The following NLRX1 variants were observed in gnomAD, a reference collection of about 807,000 sequenced individuals.
NLRX1 encodes NOD-like receptor X1.
NLRX1 carries 67 observed loss-of-function variants against 74.2 expected under a neutral mutation model. The observed-to-expected ratio is 0.90, with a 90% CI of 0.74 to 1.11. NLRX1 has a LOEUF of 1.11. Among genes scored for constraint, NLRX1 ranks in the 50% least tolerant of loss-of-function variants. NLRX1 has a pLI of 0.00. For synonymous variants in NLRX1, 506 were observed against 559.1 expected, an observed-to-expected ratio of 0.91 and a Z score of 1.34; for missense variants, 1,191 against 1,305.4, an observed-to-expected ratio of 0.91 and a Z score of 1.35.
chr11:119,170,856 C>T (rs77728428), intron 1 of NLRX1, among the ~76,000 whole-genome samples: 4,188 of 152,234 alleles, frequency 0.028, 195 homozygotes, highest in African/African-American at 0.094. Context: ...CAAGACGTGG[C>T]AGGAAGGCCA....
chr11:119,179,452 C>A (rs1399308935), intron 6 of NLRX1, among the ~76,000 whole-genome samples: 1 of 152,126 alleles, frequency 6.6e-6, no homozygotes, highest in Non-Finnish European at 1.5e-5. Context: ...ACAGCAAGAC[C>A]CCATCTCTAG....
chr11:119,173,440 C>A lies in NLRX1; in HGVS notation c.230-39C>A. 2.5e-6 allele frequency: 4 copies of A among 1,590,284 alleles called. No individual in the cohort carries two copies. The highest frequency in any genetic ancestry group is 1.1e-5 in the South Asian group (1 of 88,252). ...ATTGGCCCTAAGCTACATCTCCAGGCCCCTTTCCCTGACACATTTCCCTTA... is the reference window on the plus strand; with the variant it reads ...ATTGGCCCTAAGCTACATCTCCAGGACCCTTTCCCTGACACATTTCCCTTA... On this transcript the variant is annotated intron_variant, in intron 4 of 9. Coordinates refer to ENST00000409109, the MANE Select transcript of NLRX1 (RefSeq NM_001282144.2). This position sits in a 1 kb window ranked among gnomAD's most constrained non-coding sequence, Gnocchi z 4.0.
At chr11:119,178,685 A>C (rs1007486333) in intron 6 of NLRX1, among the ~76,000 whole-genome samples, 1 of 148,696 alleles carries the variant, frequency 6.7e-6, no homozygotes, top group African/African-American at 2.5e-5. Flanking sequence ...AGGAAAGGGC[A>C]GCACCCTGGA....
rs759728353 is a variant in NLRX1, at chr11:119,174,766, C to T, written c.1163C>T (p.Thr388Met). 1.4e-5 allele frequency: 22 copies of T among 1,613,738 alleles called. No homozygotes were observed. The highest frequency in any genetic ancestry group is 4.5e-5 in the East Asian group (2 of 44,900). ...CATLHFLHAPTPAGQTLTSIY... is the reference protein window; with the variant it reads ...CATLHFLHAPMPAGQTLTSIY... ...ACCTTGCACTTCCTGCATGCCCCCA[C>T]GCCTGCTGGGCAGACCCTTACAAGC... Residue 388 changes from threonine to methionine, a missense_variant, in exon 6 of 10, where the codon ACG (threonine) becomes ATG (methionine). Physicochemically the swap from Thr to Met is moderately conservative, Grantham distance 81 (BLOSUM62 -1). Coordinates refer to ENST00000409109, the MANE Select transcript of NLRX1 (RefSeq NM_001282144.2).
chr11:119,171,334 A>G, intron 1 of NLRX1, 22 bp from the exon 2 acceptor site: 1 of 1,565,732 alleles, frequency 6.4e-7, no homozygotes, highest in Non-Finnish European at 8.7e-7. Context: ...GCAGTGATCC[A>G]TTCGTACTAT....
chr11:119,176,333 G>C (rs1257016491), intron 6 of NLRX1, among the ~76,000 whole-genome samples: 1 of 152,132 alleles, frequency 6.6e-6, no homozygotes, highest in Non-Finnish European at 1.5e-5. Context: ...CTGCAGCTTC[G>C]ACCTTCTGGG....
chr11:119,175,349 A>C, intron 6 of NLRX1, 75 bp downstream of exon 6: 2 of 1,306,990 alleles, frequency 1.5e-6, no homozygotes, highest in Non-Finnish European at 2.1e-6. Context: ...ACGCCCCCAC[A>C]TGGTTCCCTG....
Position 119,181,414 on chromosome 11 carries a change from C to A in NLRX1, c.2354+157C>A, listed in dbSNP as rs75886421. ...CCCTCCACTTCCCCCAGGTCCACTGCAAGCAGCAGGGCAGCAGGGAAACAT... is the reference window on the plus strand; with the variant it reads ...CCCTCCACTTCCCCCAGGTCCACTGAAAGCAGCAGGGCAGCAGGGAAACAT... On this transcript the variant is annotated intron_variant, in intron 8 of 9. Coordinates refer to ENST00000409109, the MANE Select transcript of NLRX1 (RefSeq NM_001282144.2). 1,859 of 627,286 alleles carry A rather than the reference C, an allele frequency of 3.0e-3. 29 individuals carry two copies. The African/African-American group carries it at 0.031, about 10-fold the overall frequency. The allele number at this position is 627,286 out of a possible 1,614,324, so 38.9% of individuals were successfully genotyped here.
At position 119,180,136 on chromosome 11, in the gene NLRX1, T is replaced by A. The variant is rs761105476; in HGVS notation, c.2115T>A (p.Gly705=). Residue 705 remains glycine, a synonymous_variant, in exon 7 of 10, where the codon GGT becomes GGA. Coordinates refer to ENST00000409109, the MANE Select transcript of NLRX1 (RefSeq NM_001282144.2). ...LSSLRQLNLA[G]VRMTPVKCTV... The stretch of plus-strand genomic sequence containing the variant: ...CCCTGCGTCAGCTCAACCTGGCAGG[T>A]GTGCGCATGACACCAGTCAAGTGCA... 6.2e-7 allele frequency: 1 copy of A among 1,613,208 alleles called. No individual in the cohort carries two copies. Among genetic ancestry groups the A allele is most frequent in the African/African-American group, 1.3e-5 (1 of 75,056 alleles).
Position 119,173,719 on chromosome 11 carries a change from G to T in NLRX1, c.470G>T (p.Arg157Leu), listed in dbSNP as rs747748623. 6.2e-7 allele frequency: 1 copy of T among 1,613,896 alleles called. No homozygotes were observed. The highest frequency in any genetic ancestry group is 8.5e-7 in the Non-Finnish European group (1 of 1,179,968). The change falls in exon 5 of 10, where the codon CGC becomes CTC. Residue 157 changes from arginine to leucine, a missense_variant. Coordinates refer to ENST00000409109, the MANE Select transcript of NLRX1 (RefSeq NM_001282144.2). The surrounding 1 kb of genome is among the most constrained non-coding windows in gnomAD (Gnocchi z 4.0). ...SQLFNPDACG[R>L]RVQTVVLYGT... ...CTCTTTAACCCGGATGCCTGTGGGC[G>T]CCGGGTGCAGACAGTGGTGCTGTAT... is the stretch of plus-strand genomic sequence containing the variant.
intron 3 of NLRX1, 111 bp from the exon 4 acceptor site, chr11:119,172,788 CCT>C: frequency 1.3e-6 from 1 of 790,466 alleles, no homozygotes; most frequent in Admixed American, 1.9e-5. Context: ...CAGTGTGGGG[CCT>C]TTATCTCAGG....
chr11:119,175,288 C>A lies in NLRX1; in HGVS notation c.1671+14C>A, dbSNP rs753965242. On this transcript the variant is annotated intron_variant, in intron 6 of 9. Coordinates refer to ENST00000409109, the MANE Select transcript of NLRX1 (RefSeq NM_001282144.2). ...AACCTGATCAAGGTAACATCCCGATCAAGGTAACCCCCCAACCTGCTCCTT... is the reference window on the plus strand; with the variant it reads ...AACCTGATCAAGGTAACATCCCGATAAAGGTAACCCCCCAACCTGCTCCTT... The A allele has an allele frequency of 1.7e-5, 28 of 1,602,034 alleles. No homozygotes were observed. Among genetic ancestry groups the A allele is most frequent in the Admixed American group, 1.3e-4 (8 of 59,626 alleles).
intron 6 of NLRX1, 100 bp from the exon 7 acceptor site, chr11:119,179,593 A>G (rs1331637053): frequency 1.0e-6 from 1 of 998,862 alleles, no homozygotes; most frequent in East Asian, 2.4e-5. Context: ...AGGGGAGATC[A>G]CAGGGCTGGA....
chr11:119,171,044 G>C (rs889732851), intron 1 of NLRX1, among the ~76,000 whole-genome samples: 2 of 152,340 alleles, frequency 1.3e-5, no homozygotes, highest in East Asian at 3.9e-4. Context: ...TTGGGAGGCT[G>C]AGGCAGGAGA....
chr11:119,183,061 T>G lies in NLRX1; in HGVS notation c.2607-57T>G. 6.7e-7 allele frequency: 1 copy of G among 1,501,448 alleles called. No homozygotes were observed. The highest frequency in any genetic ancestry group is 1.7e-4 in the Middle Eastern group (1 of 5,760). The allele number at this position is 1,501,448 out of a possible 1,614,324, so 93.0% of individuals were successfully genotyped here. A position where few individuals can be genotyped will look rare whatever the true frequency, so the allele number is the denominator to read the frequency against. ...CCCCTGACTTTCCATCCATCTACCC[T>G]CGGGCCCTCCTTCTCAGAGCTCTAC... On this transcript the variant is annotated intron_variant, in intron 9 of 9. Coordinates refer to ENST00000409109, the MANE Select transcript of NLRX1 (RefSeq NM_001282144.2). This position sits in a 1 kb window ranked among gnomAD's most constrained non-coding sequence, Gnocchi z 5.7.
At chr11:119,175,668 C>T (rs555935103) in intron 6 of NLRX1, among the ~76,000 whole-genome samples, 8 of 152,298 alleles carry the variant, frequency 5.3e-5, no homozygotes, top group African/African-American at 1.9e-4. Flanking sequence ...GGTGATTAGG[C>T]TCTGAGAGTG....
In NLRX1 at chr11:119,183,757, C is replaced by A. The variant is rs1423003835; in HGVS notation, c.*318C>A. On this transcript the variant is annotated 3_prime_UTR_variant, in exon 10 of 10. Transcript: ENST00000409109. The surrounding 1 kb of genome is among the most constrained non-coding windows in gnomAD (Gnocchi z 5.7). ...AGCACCACTACCAACCTTGCCTCCC[C>A]CTCCTCTCAAAGAGCCTCTGACTGT... is the stretch of plus-strand genomic sequence containing the variant. The A allele has an allele frequency of 2.6e-6, 2 of 779,768 alleles. No individual in the cohort carries two copies. Among genetic ancestry groups the A allele is most frequent in the Admixed American group, 3.4e-5 (2 of 58,980 alleles). 48.3% of individuals were successfully genotyped at this position (779,768 alleles called of 1,614,324 possible).
chr11:119,181,768 A>T (rs1483936255), intron 8 of NLRX1, among the ~76,000 whole-genome samples: 3 of 152,044 alleles, frequency 2.0e-5, no homozygotes, highest in Non-Finnish European at 4.4e-5. Context: ...GAGGCTGTGG[A>T]GGGGGTGAAA....
chr11:119,174,450 C>T lies in NLRX1; in HGVS notation c.850-3C>T. The T allele has an allele frequency of 6.2e-7, 1 of 1,612,164 alleles. No homozygotes were observed. The highest frequency in any genetic ancestry group is 8.5e-7 in the Non-Finnish European group (1 of 1,178,690). On this transcript the variant is annotated splice_polypyrimidine_tract_variant and splice_region_variant and intron_variant, in intron 5 of 9. Transcript: ENST00000409109. Reference sequence around the variant, plus strand: ...TCTTAACTCTCAACCATGCTCTTCCCAGGCCAGCATTCTGGTGACCACTCG... The same window carrying T: ...TCTTAACTCTCAACCATGCTCTTCCTAGGCCAGCATTCTGGTGACCACTCG...
Sources: allele counts gnomAD v4.1 joint callset (sites outside exome capture counted in the v4.1 genomes callset), GRCh38; gene constraint gnomAD v4.1.1; non-coding constraint Gnocchi (gnomAD v3.1); transcripts MANE v1.5; gene names NCBI Gene and HGNC (gene_info 2026-07-23, HGNC 2026-07-21).